The following ADAMTSL1 variants were observed in gnomAD, a reference collection of about 807,000 sequenced individuals.
ADAMTSL1 encodes ADAMTS like 1, also known as ADAMTS-like protein 1.
ADAMTSL1 carries 126 observed loss-of-function variants against 201.8 expected under a neutral mutation model. The observed-to-expected ratio is 0.62, with a 90% CI of 0.54 to 0.72. ADAMTSL1 has a LOEUF of 0.72. Ranked by LOEUF, ADAMTSL1 falls within the 30% of genes least tolerant of loss-of-function variation. ADAMTSL1 has a pLI of 0.00. For synonymous variants in ADAMTSL1, 1,121 were observed against 903.4 expected, an observed-to-expected ratio of 1.24 and a Z score of -4.32; for missense variants, 2,679 against 2,277.8, an observed-to-expected ratio of 1.18 and a Z score of -3.59.
intron 2 of ADAMTSL1, among the ~76,000 whole-genome samples, chr9:18,327,059 G>A (rs1834853883): frequency 1.3e-5 from 2 of 152,304 alleles, no homozygotes; most frequent in Admixed American, 6.5e-5. Flanking sequence ...TTGGAGTTGA[G>A]AGAAAATTTA....
intron 23 of ADAMTSL1, among the ~76,000 whole-genome samples, chr9:18,867,274 A>T (rs1390269798): frequency 6.6e-6 from 1 of 152,252 alleles, no homozygotes; most frequent in Admixed American, 6.5e-5. Flanking sequence ...ACCAGCAGGA[A>T]TTTTTAAGTT....
chr9:17,908,190 A>T (rs1365946600), intron 1 of ADAMTSL1, among the ~76,000 whole-genome samples: 3 of 152,186 alleles, frequency 2.0e-5, no homozygotes, highest in Non-Finnish European at 4.4e-5. Context: ...AATATGACAA[A>T]CAGTTGGAAA....
At chr9:18,410,772 C>G (rs188705275) in intron 2 of ADAMTSL1, among the ~76,000 whole-genome samples, 1 of 151,794 alleles carries the variant, frequency 6.6e-6, no homozygotes, top group African/African-American at 2.4e-5. Flanking sequence ...GTATTTCTGC[C>G]TCTATGTCTT....
chr9:18,102,229 T>G (rs1017444399), intron 1 of ADAMTSL1, among the ~76,000 whole-genome samples: 27 of 151,920 alleles, frequency 1.8e-4, no homozygotes, highest in African/African-American at 5.8e-4. Flanking sequence ...TATTTCATGG[T>G]TTTTTTCTGC....
chr9:18,800,504 T>G (rs920916866), intron 20 of ADAMTSL1, among the ~76,000 whole-genome samples: 1 of 151,632 alleles, frequency 6.6e-6, no homozygotes, highest in Non-Finnish European at 1.5e-5. Context: ...GATAGAATAC[T>G]GAATAGCTAA....
intron 11 of ADAMTSL1, 109 bp from the exon 12 acceptor site, chr9:18,681,703 G>GGT (rs1554728689): frequency 4.2e-6 from 3 of 710,276 alleles, no homozygotes; most frequent in East Asian, 3.4e-5. Context: ...CGTGTGGGGG[G>GGT]GGGGGGCGGG....
chr9:18,770,413 G>T (rs897122250), intron 16 of ADAMTSL1, among the ~76,000 whole-genome samples, 189 bp from the exon 17 acceptor site: 1 of 152,154 alleles, frequency 6.6e-6, no homozygotes, highest in Admixed American at 6.5e-5. Context: ...AGAGTGGAGA[G>T]GGTAGATCTT....
intron 1 of ADAMTSL1, among the ~76,000 whole-genome samples, chr9:18,025,436 G>A (rs1820651646): frequency 6.6e-6 from 1 of 152,050 alleles, no homozygotes; most frequent in Non-Finnish European, 1.5e-5. Flanking sequence ...TTTGTATATG[G>A]TGATAGGTAG....
chr9:18,338,091 G>A (rs186459533), intron 2 of ADAMTSL1, among the ~76,000 whole-genome samples: 6 of 152,092 alleles, frequency 3.9e-5, no homozygotes, highest in African/African-American at 1.4e-4. Context: ...TGAATACATG[G>A]TCTACTACCT....
At chr9:18,206,700 T>C (rs1187806738) in intron 2 of ADAMTSL1, among the ~76,000 whole-genome samples, 2 of 152,176 alleles carry the variant, frequency 1.3e-5, no homozygotes, top group African/African-American at 4.8e-5. Context: ...TGTTGATGCT[T>C]CTTTGAGAAT....
At position 18,113,208 on chromosome 9, in the gene ADAMTSL1, A is replaced by G. The variant is rs567875207; in HGVS notation, c.88-50654A>G. On this transcript the variant is annotated intron_variant, in intron 1 of 29. Transcript: ENST00000680146. ...AGATGAAGGACAATGAGTAAGTCCAATAGGAAGACCTGGTAGGCCATGTCC... is the reference window on the plus strand; with the variant it reads ...AGATGAAGGACAATGAGTAAGTCCAGTAGGAAGACCTGGTAGGCCATGTCC... 5.3e-5 allele frequency among the ~76,000 whole-genome samples: 8 copies of G among 152,268 alleles called. No homozygotes were observed. The East Asian group carries it at 1.4e-3, about 26-fold the overall frequency.
At chr9:18,559,876 T>TA (rs1821361109) in intron 3 of ADAMTSL1, among the ~76,000 whole-genome samples, 1 of 152,220 alleles carries the variant, frequency 6.6e-6, no homozygotes, top group Non-Finnish European at 1.5e-5. Context: ...GAGACTTTGC[T>TA]AAAGTTGCTT....
chr9:18,578,164 T>C (rs1587620485), intron 4 of ADAMTSL1, among the ~76,000 whole-genome samples: 1 of 152,196 alleles, frequency 6.6e-6, no homozygotes, highest in African/African-American at 2.4e-5. Flanking sequence ...CTGGTGTTTA[T>C]CAACATTTTC....
intron 1 of ADAMTSL1, among the ~76,000 whole-genome samples, chr9:18,502,928 A>T (rs10217409): frequency 6.6e-6 from 1 of 151,746 alleles, no homozygotes; most frequent in African/African-American, 2.4e-5. Context: ...ATTAATAAAT[A>T]ATGTTAAATA....
chr9:18,392,283 A>G (rs1028396132), intron 2 of ADAMTSL1, among the ~76,000 whole-genome samples: 1 of 152,230 alleles, frequency 6.6e-6, no homozygotes, highest in African/African-American at 2.4e-5. Flanking sequence ...TAAATCACAT[A>G]AAGTCACTGT....
intron 1 of ADAMTSL1, among the ~76,000 whole-genome samples, chr9:17,922,640 G>T (rs370108246): frequency 4.4e-4 from 67 of 152,242 alleles, no homozygotes; most frequent in African/African-American, 1.6e-3. Context: ...GATGAGAGAG[G>T]TAAGGTCTTA....
intron 4 of ADAMTSL1, among the ~76,000 whole-genome samples, chr9:18,600,361 T>A (rs1325677452): frequency 6.6e-6 from 1 of 152,192 alleles, no homozygotes; most frequent in Non-Finnish European, 1.5e-5. Flanking sequence ...AAAGTCTAGT[T>A]TTCTTGCCCA....
intron 3 of ADAMTSL1, among the ~76,000 whole-genome samples, chr9:18,538,164 C>T (rs967385525): frequency 1.3e-5 from 2 of 152,018 alleles, no homozygotes; most frequent in Non-Finnish European, 2.9e-5. Flanking sequence ...GGGATCATTG[C>T]GGTAGTTCAG....
intron 4 of ADAMTSL1, among the ~76,000 whole-genome samples, chr9:18,588,374 A>G (rs907339820): frequency 6.6e-6 from 1 of 152,136 alleles, no homozygotes; most frequent in African/African-American, 2.4e-5. Flanking sequence ...ACTCCTTGCC[A>G]GATGGATAGT....
Sources: gnomAD v4.1 joint callset for allele counts (sites outside exome capture counted in the v4.1 genomes callset) on GRCh38, gnomAD v4.1.1 for gene constraint, MANE v1.5 for transcripts, NCBI Gene and HGNC (gene_info 2026-07-23, HGNC 2026-07-21) for gene names.